Variants in PRKD3 observed in about 807,000 individuals in gnomAD.
PRKD3 encodes the protein protein kinase D3.
In PRKD3, 47 loss-of-function variants were observed where a neutral mutation model predicts 99.2. The ratio of observed to expected loss-of-function variants is 0.47; its 90% CI spans 0.38 to 0.60. PRKD3 has a LOEUF of 0.60. Ranked by LOEUF, PRKD3 falls within the 20% of genes least tolerant of loss-of-function variation. The pLI is 0.00. For synonymous variants in PRKD3, 392 were observed against 355.4 expected (o/e 1.10, Z -1.16); for missense variants, 1,019 against 1,088.4 (o/e 0.94, Z 0.90).
chr2:37,297,896 C>G (rs572841221), intron 2 of PRKD3, among the ~76,000 whole-genome samples: 23 of 152,234 alleles, frequency 1.5e-4, no homozygotes, highest in South Asian at 1.2e-3. Context: ...CTCCCCCCAC[C>G]CTTTTCTATA....
chr2:37,312,621 A>G (rs1208992469), intron 2 of PRKD3, among the ~76,000 whole-genome samples: 1 of 152,206 alleles, frequency 6.6e-6, no homozygotes, highest in Non-Finnish European at 1.5e-5. Flanking sequence ...ACAGTGCTGA[A>G]GCAGTCTAGT....
At position 37,289,420 on chromosome 2, in the gene PRKD3, G is replaced by A; in HGVS notation, c.653C>T (p.Pro218Leu). Residue 218 changes from proline (P) to leucine (L), a missense_variant, in exon 5 of 19, where the codon CCA (proline) becomes CTA (leucine). Around this residue, in one of 3 missense-constraint regions of PRKD3, gnomAD observed 710 missense variants for 692.7 expected, o/e 1.02. Transcript: ENST00000234179. ...RKRRLSNVSL[P>L]GPGLSVPRPL... Reference sequence around the variant, plus strand: ...TCTTGGAACTGAGAGGCCGGGTCCTGGTAAAGATACATTTGACAGACGTCT... The same window carrying A: ...TCTTGGAACTGAGAGGCCGGGTCCTAGTAAAGATACATTTGACAGACGTCT... The A allele has an allele frequency of 6.2e-7, 1 of 1,613,882 alleles. No individual in the cohort carries two copies. The highest frequency in any genetic ancestry group is 8.5e-7 in the Non-Finnish European group (1 of 1,179,932).
intron 3 of PRKD3, among the ~76,000 whole-genome samples, chr2:37,292,489 G>A (rs773301959): frequency 1.3e-5 from 2 of 151,828 alleles, no homozygotes; most frequent in Non-Finnish European, 2.9e-5. Context: ...GGGACTAGGC[G>A]CCCACCACCA....
chr2:37,321,920 G>A (rs1185741592), intron 1 of PRKD3, among the ~76,000 whole-genome samples: 2 of 152,206 alleles, frequency 1.3e-5, no homozygotes, highest in African/African-American at 2.4e-5. Context: ...ATTTAGTGCA[G>A]CATCATTCTT....
intron 5 of PRKD3, among the ~76,000 whole-genome samples, chr2:37,289,116 C>T (rs1670262019): frequency 6.6e-6 from 1 of 150,602 alleles, no homozygotes; most frequent in South Asian, 2.1e-4. Flanking sequence ...AGACCAGGAG[C>T]CAGGATACTG....
At position 37,260,208 on chromosome 2, in the gene PRKD3, A is replaced by C; in HGVS notation, c.2046+15T>G. 1 of 1,569,598 alleles carries C rather than the reference A, an allele frequency of 6.4e-7. No homozygotes were observed. Among genetic ancestry groups the C allele is most frequent in the Non-Finnish European group, 8.6e-7 (1 of 1,160,374 alleles). ...TTTTAATCGCTAGTTTAAAAAAAAA[A>C]AGGAGTTAAAATACCTGTGTGACCA... On this transcript the variant is annotated intron_variant, in intron 15 of 18. Transcript: ENST00000234179.
intron 14 of PRKD3, among the ~76,000 whole-genome samples, chr2:37,264,587 G>A (rs1227792312): frequency 6.6e-6 from 1 of 152,090 alleles, no homozygotes; most frequent in African/African-American, 2.4e-5. Context: ...TGATATTTGG[G>A]CAAAATCCTG....
chr2:37,303,042 T>C (rs932987447), intron 2 of PRKD3, among the ~76,000 whole-genome samples: 1 of 152,118 alleles, frequency 6.6e-6, no homozygotes, highest in East Asian at 1.9e-4. Flanking sequence ...CCAACCCCTG[T>C]CCTGTGCCTA....
At chr2:37,260,574 G>A (rs182733493) in intron 14 of PRKD3, among the ~76,000 whole-genome samples, 190 bp from the exon 15 acceptor site, 97 of 152,316 alleles carry the variant, frequency 6.4e-4, no homozygotes, top group African/African-American at 2.2e-3. Flanking sequence ...GTACTGGAGA[G>A]TAGCCGCACT....
intron 2 of PRKD3, among the ~76,000 whole-genome samples, chr2:37,296,284 C>A (rs567022325): frequency 6.6e-6 from 1 of 152,028 alleles, no homozygotes; most frequent in Non-Finnish European, 1.5e-5. Context: ...ATAAATATAA[C>A]CTTCTTAATA....
At position 37,274,560 on chromosome 2, in the gene PRKD3, G is replaced by C; in HGVS notation, c.1512C>G (p.Ser504Arg). The change falls in exon 11 of 19, where the codon AGC becomes AGG. Residue 504 changes from serine (S) to arginine (R), a missense_variant. Physicochemically the swap from Ser to Arg is moderately radical, Grantham distance 110. Around this residue, in one of 3 missense-constraint regions of PRKD3, gnomAD observed 710 missense variants for 692.7 expected, o/e 1.02. Coordinates refer to ENST00000234179, the MANE Select transcript of PRKD3 (RefSeq NM_005813.6). ...TGGCAGCAAGAACAGGATTATGAGA[G>C]CTGTCCCCATTGTTCTCACCAACGA... ...VYFVGENNGD[S>R]SHNPVLAATG... 1 of 1,614,134 alleles carries C rather than the reference G, an allele frequency of 6.2e-7. No homozygotes were observed.
At position 37,316,550 on chromosome 2, in the gene PRKD3, A is replaced by G; in HGVS notation, c.-26T>C. On this transcript the variant is annotated 5_prime_UTR_variant, in exon 2 of 19. Coordinates refer to ENST00000234179, the MANE Select transcript of PRKD3 (RefSeq NM_005813.6). ...CTGCCTTTCTTTAATCTTTTAAAATAGTTGTCGATTCTTTTTCAATGGTTA... is the reference window on the plus strand; with the variant it reads ...CTGCCTTTCTTTAATCTTTTAAAATGGTTGTCGATTCTTTTTCAATGGTTA... The G allele has an allele frequency of 6.3e-7, 1 of 1,593,176 alleles. No homozygotes were observed. The highest frequency in any genetic ancestry group is 8.5e-7 in the Non-Finnish European group (1 of 1,170,530).
intron 6 of PRKD3, among the ~76,000 whole-genome samples, chr2:37,285,001 T>C (rs1670026469): frequency 6.6e-6 from 1 of 152,194 alleles, no homozygotes. Context: ...TTACTCTGTC[T>C]TGTAAGCAAG....
At chr2:37,320,234 G>C (rs1047677261) in intron 1 of PRKD3, among the ~76,000 whole-genome samples, 1 of 152,094 alleles carries the variant, frequency 6.6e-6, no homozygotes, top group Non-Finnish European at 1.5e-5. Context: ...ATTCAAACTA[G>C]TTTCCCTGAC....
chr2:37,266,028 C>T (rs1054742487), intron 14 of PRKD3, among the ~76,000 whole-genome samples: 1 of 152,076 alleles, frequency 6.6e-6, no homozygotes, highest in Non-Finnish European at 1.5e-5. Context: ...GCAAAAATAC[C>T]TGACAACATA....
intron 14 of PRKD3, among the ~76,000 whole-genome samples, chr2:37,263,498 A>G (rs1254408576): frequency 6.6e-6 from 1 of 152,242 alleles, no homozygotes; most frequent in East Asian, 1.9e-4. Flanking sequence ...TCCATTTCTC[A>G]TGGACTACTG....
chr2:37,316,577 G>A lies in PRKD3; in HGVS notation c.-53C>T, dbSNP rs1671669416. ...TTGTCGATTCTTTTTCAATGGTTAT[G>A]AAGAGGTTTTTAAAATAACAGCAGT... On this transcript the variant is annotated 5_prime_UTR_variant, in exon 2 of 19. Coordinates refer to ENST00000234179, the MANE Select transcript of PRKD3 (RefSeq NM_005813.6). 3.2e-6 allele frequency: 5 copies of A among 1,550,570 alleles called. No individual in the cohort carries two copies. In the East Asian group the frequency reaches 9.0e-5, roughly 28 times the overall value.
chr2:37,257,437 G>A (rs577106756), intron 16 of PRKD3, among the ~76,000 whole-genome samples: 176 of 152,038 alleles, frequency 1.2e-3, no homozygotes, highest in Non-Finnish European at 1.8e-3. Flanking sequence ...AGGCCGAGGC[G>A]GGCGGATCAC....
chr2:37,296,756 C>T (rs1192236319), intron 2 of PRKD3, among the ~76,000 whole-genome samples: 2 of 151,568 alleles, frequency 1.3e-5, no homozygotes, highest in Non-Finnish European at 2.9e-5. Flanking sequence ...AAAATTTAGC[C>T]GGGCGTGGTG....
Sources: gnomAD v4.1 joint callset for allele counts (sites outside exome capture counted in the v4.1 genomes callset) on GRCh38, gnomAD v4.1.1 for gene constraint, gnomAD v4.1.1 regional missense constraint, MANE v1.5 for transcripts, NCBI Gene and HGNC (gene_info 2026-07-23, HGNC 2026-07-21) for gene names.